The following ZNF740 variants were observed in gnomAD, a reference collection of about 807,000 sequenced individuals.
The protein encoded by ZNF740 is oriLyt TD-element-binding protein 7.
In ZNF740, 14 loss-of-function variants were observed where a neutral mutation model predicts 24.8. The ratio of observed to expected loss-of-function variants is 0.56; its 90% CI spans 0.37 to 0.88. The LOEUF is 0.88. Ranked by LOEUF, ZNF740 falls within the 40% of genes least tolerant of loss-of-function variation. The pLI, the probability that ZNF740 is intolerant of heterozygous loss-of-function variation, is 0.00. For missense variants in ZNF740, 201 were observed against 247.9 expected, an observed-to-expected ratio of 0.81 and a Z score of 1.27; for synonymous variants, 69 against 84.0, an observed-to-expected ratio of 0.82 and a Z score of 0.98.
chr12:53,190,736 A>G lies in ZNF740; in HGVS notation c.*3146A>G, dbSNP rs1371370058. On this transcript the variant is annotated 3_prime_UTR_variant, in exon 7 of 7. Coordinates refer to ENST00000416904, the MANE Select transcript of ZNF740 (RefSeq NM_001004304.4). The stretch of plus-strand genomic sequence containing the variant: ...GGGGGAGGGGAATATCAAATGGACA[A>G]GATCACTTTTAAATGGTAGTTTTTA... The G allele has an allele frequency of 6.6e-6, 1 of 151,884 alleles. No homozygotes were observed. The highest frequency in any genetic ancestry group is 1.5e-5 in the Non-Finnish European group (1 of 67,968). 9.4% of individuals were successfully genotyped at this position (151,884 alleles called of 1,614,324 possible).
intron 1 of ZNF740, 35 bp downstream of exon 1, chr12:53,180,872 G>A (rs1449932338): frequency 8.2e-7 from 1 of 1,220,288 alleles, no homozygotes; most frequent in Non-Finnish European, 1.0e-6. Context: ...AGCGTCGTCC[G>A]TACAGACGGC....
At position 53,191,634 on chromosome 12, in the gene ZNF740, G is replaced by A. The variant is rs369869580; in HGVS notation, c.*4044G>A. 14 of 1,612,656 alleles carry A rather than the reference G, an allele frequency of 8.7e-6. No homozygotes were observed. Among genetic ancestry groups the A allele is most frequent in the South Asian group, 2.2e-5 (2 of 91,060 alleles). ...TGGCACTTTTGTAGAGAGGATTACTGTCCTGGAGAAAGATGTTGCAGATTA... is the reference window on the plus strand; with the variant it reads ...TGGCACTTTTGTAGAGAGGATTACTATCCTGGAGAAAGATGTTGCAGATTA... On this transcript the variant is annotated 3_prime_UTR_variant, in exon 7 of 7. Transcript: ENST00000416904.
At position 53,191,785 on chromosome 12, in the gene ZNF740, CA is replaced by C. The variant is rs1310165038; in HGVS notation, c.*4196del. 6.3e-7 allele frequency: 1 copy of C among 1,593,620 alleles called. No individual in the cohort carries two copies. Among genetic ancestry groups the C allele is most frequent in the African/African-American group, 1.3e-5 (1 of 74,506 alleles). On this transcript the variant is annotated 3_prime_UTR_variant, in exon 7 of 7. Transcript: ENST00000416904. ...ACATGTGCCAGGGGCTGGGGGAACC[CA>C]GTGGGAGGAATCAGGGCTGGTCTTG...
intron 6 of ZNF740, 109 bp from the exon 7 acceptor site, chr12:53,187,392 G>A (rs563931484): frequency 6.9e-6 from 6 of 867,594 alleles, no homozygotes; most frequent in South Asian, 3.0e-5. Context: ...GTCTGTGCAC[G>A]TGCTGAGGGG....
In ZNF740 at chr12:53,192,862, G is replaced by C. The variant is rs146341613; in HGVS notation, c.*5272G>C. 1.9e-6 allele frequency: 3 copies of C among 1,614,066 alleles called. No individual in the cohort carries two copies. Among genetic ancestry groups the C allele is most frequent in the Non-Finnish European group, 2.5e-6 (3 of 1,180,056 alleles). On this transcript the variant is annotated 3_prime_UTR_variant, in exon 7 of 7. Transcript: ENST00000416904. ...CCCACTGCATTCGCATGCTCTGCCC[G>C]TGCGGTTGGCATGACAGTGACATAC...
At chr12:53,182,040 G>A in intron 2 of ZNF740, 48 bp downstream of exon 2, 1 of 1,595,506 alleles carries the variant, frequency 6.3e-7, no homozygotes, top group Non-Finnish European at 8.5e-7. Flanking sequence ...AAGCCTGTTT[G>A]CAGTTTCACT....
rs1419481483 is a variant in ZNF740, at chr12:53,192,676, G to A, written c.*5086G>A. On this transcript the variant is annotated 3_prime_UTR_variant, in exon 7 of 7. Coordinates refer to ENST00000416904, the MANE Select transcript of ZNF740 (RefSeq NM_001004304.4). ...CTGTGCCCCTGCTCCCAAGATGCAA[G>A]ACCTGAGGCCTCACCGGTGTCTCTC... The A allele has an allele frequency of 6.2e-7, 1 of 1,610,076 alleles. No individual in the cohort carries two copies.
chr12:53,182,761 T>A (rs1565689253), intron 2 of ZNF740, among the ~76,000 whole-genome samples: 1 of 151,892 alleles, frequency 6.6e-6, no homozygotes, highest in Non-Finnish European at 1.5e-5. Context: ...GTTATGGAGG[T>A]AGTATTGACA....
At chr12:53,186,132 A>G (rs1941816238) in intron 5 of ZNF740, 55 bp downstream of exon 5, 9 of 1,579,846 alleles carry the variant, frequency 5.7e-6, no homozygotes, top group South Asian at 1.1e-5. Context: ...CTTGTATTCC[A>G]TGTCTGTTTG....
chr12:53,191,755 T>G lies in ZNF740; in HGVS notation c.*4165T>G. On this transcript the variant is annotated 3_prime_UTR_variant, in exon 7 of 7. Coordinates refer to ENST00000416904, the MANE Select transcript of ZNF740 (RefSeq NM_001004304.4). The stretch of plus-strand genomic sequence containing the variant: ...AGCTGATGGAAGTTAGCAGAGGGGT[T>G]GGTTACATGTGCCAGGGGCTGGGGG... 6.5e-7 allele frequency: 1 copy of G among 1,533,708 alleles called. No homozygotes were observed. The highest frequency in any genetic ancestry group is 1.7e-5 in the Admixed American group (1 of 59,352).
At chr12:53,185,899 G>A (rs1052033506) in intron 4 of ZNF740, 55 bp from the exon 5 acceptor site, 1 of 1,598,840 alleles carries the variant, frequency 6.3e-7, no homozygotes, top group Non-Finnish European at 8.5e-7. Context: ...GTAGAACAGT[G>A]TCTCCAGGAA....
Position 53,192,359 on chromosome 12 carries a change from G to A in ZNF740, c.*4769G>A, listed in dbSNP as rs536329362. The A allele has an allele frequency of 3.6e-5, 58 of 1,614,014 alleles. No homozygotes were observed. Among genetic ancestry groups the A allele is most frequent in the South Asian group, 3.3e-4 (30 of 91,072 alleles). On this transcript the variant is annotated 3_prime_UTR_variant, in exon 7 of 7. Transcript: ENST00000416904. ...TTGGGGTCTCACTCTGAGCACGACC[G>A]TGCCTCTGGCGTCATCCTCCACCAA...
chr12:53,192,345 C>G lies in ZNF740; in HGVS notation c.*4755C>G. On this transcript the variant is annotated 3_prime_UTR_variant, in exon 7 of 7. Coordinates refer to ENST00000416904, the MANE Select transcript of ZNF740 (RefSeq NM_001004304.4). ...GCCCACTTACTTTCTTGGGGTCTCACTCTGAGCACGACCGTGCCTCTGGCG... is the reference window on the plus strand; with the variant it reads ...GCCCACTTACTTTCTTGGGGTCTCAGTCTGAGCACGACCGTGCCTCTGGCG... 4 of 1,614,120 alleles carry G rather than the reference C, an allele frequency of 2.5e-6. No homozygotes were observed. The highest frequency in any genetic ancestry group is 3.4e-6 in the Non-Finnish European group (4 of 1,180,038).
Position 53,180,829 on chromosome 12 carries a change from G to T in ZNF740, c.-316G>T. On this transcript the variant is annotated 5_prime_UTR_variant, in exon 1 of 7. Transcript: ENST00000416904. ...GGCCAGGGAGCCAGCGGGAGGCCGC[G>T]CCTGGCAGGTAGGAGCAAGCCCCAA... 7.9e-7 allele frequency: 1 copy of T among 1,271,376 alleles called. No homozygotes were observed. The highest frequency in any genetic ancestry group is 1.0e-6 in the Non-Finnish European group (1 of 981,930). The allele number at this position is 1,271,376 out of a possible 1,614,324, so 78.8% of individuals were successfully genotyped here.
In ZNF740 at chr12:53,194,104, C is replaced by T; in HGVS notation, c.*6514C>T. Reference sequence around the variant, plus strand: ...AGGACTACCTCAGGCTCTCATGTCACTCCCTGTACCTGCCACCCATCTTTT... The same window carrying T: ...AGGACTACCTCAGGCTCTCATGTCATTCCCTGTACCTGCCACCCATCTTTT... On this transcript the variant is annotated 3_prime_UTR_variant, in exon 7 of 7. Coordinates refer to ENST00000416904, the MANE Select transcript of ZNF740 (RefSeq NM_001004304.4). 6.4e-7 allele frequency: 1 copy of T among 1,552,776 alleles called. No homozygotes were observed.
At position 53,185,986 on chromosome 12, in the gene ZNF740, A is replaced by G. The variant is rs1941814108; in HGVS notation, c.282A>G (p.Gln94=). Residue 94 remains glutamine, a synonymous_variant, in exon 5 of 7, where the codon CAA becomes CAG. Coordinates refer to ENST00000416904, the MANE Select transcript of ZNF740 (RefSeq NM_001004304.4). ...VVVVEQNGSF[Q]VKIPKNFVCE... ...TAGTGGAACAAAATGGTTCTTTTCA[A>G]GTAAAGATTCCCAAAAATTTTGTTT... 1 of 1,613,716 alleles carries G rather than the reference A, an allele frequency of 6.2e-7. No homozygotes were observed. The highest frequency in any genetic ancestry group is 8.5e-7 in the Non-Finnish European group (1 of 1,179,818).
chr12:53,184,150 T>TGTGTGC (rs59250662), intron 2 of ZNF740, among the ~76,000 whole-genome samples: 1,158 of 104,366 alleles, frequency 0.011, 15 homozygotes, highest in East Asian at 0.061. Flanking sequence ...TGTGTGTGTG[T>TGTGTGC]GCGCGCGCGC....
chr12:53,185,048 G>A lies in ZNF740; in HGVS notation c.159+8G>A, dbSNP rs566345722. On this transcript the variant is annotated splice_region_variant and intron_variant, in intron 3 of 6. Coordinates refer to ENST00000416904, the MANE Select transcript of ZNF740 (RefSeq NM_001004304.4). ...CTGAGGTGCTCGAGTCAGGTACAGC[G>A]CTTGAGTCCATTGTGGCACCTGGGG... 9.9e-6 allele frequency: 16 copies of A among 1,613,390 alleles called. No homozygotes were observed. The highest frequency in any genetic ancestry group is 5.3e-5 in the African/African-American group (4 of 75,018).
At chr12:53,182,567 C>A (rs1941694320) in intron 2 of ZNF740, among the ~76,000 whole-genome samples, 1 of 152,050 alleles carries the variant, frequency 6.6e-6, no homozygotes, top group African/African-American at 2.4e-5. Flanking sequence ...AACAGTACTT[C>A]TGCTTGGATA....
Sources: gnomAD v4.1 joint callset for allele counts (sites outside exome capture counted in the v4.1 genomes callset) on GRCh38, gnomAD v4.1.1 for gene constraint, MANE v1.5 for transcripts, NCBI Gene and HGNC (gene_info 2026-07-23, HGNC 2026-07-21) for gene names.